NAA11: variants seen among roughly 807,000 people sequenced by gnomAD.
NAA11 encodes the protein N-alpha-acetyltransferase 11, NatA catalytic subunit.
A neutral mutation model predicts 16.1 loss-of-function variants in NAA11; 15 were observed. That is an observed-to-expected ratio of 0.93 (90% CI 0.62 to 1.44). NAA11 has a LOEUF of 1.44. NAA11 is among the 40% of genes most tolerant of loss of function. The probability of loss-of-function intolerance (pLI) is 0.00; values close to 1 mark genes in which losing one functional copy is unlikely to be tolerated. For synonymous variants in NAA11, 122 were observed against 112.4 expected, an observed-to-expected ratio of 1.09 and a Z score of -0.54; for missense variants, 298 against 291.3, an observed-to-expected ratio of 1.02 and a Z score of -0.17.
chr4:79,158,922 A>G, the NAA11 span, among the ~76,000 whole-genome samples: 1 of 151,988 alleles, frequency 6.6e-6, no homozygotes, highest in East Asian at 1.9e-4. Flanking sequence ...TGTAGAAAGA[A>G]TACAAAAGTC....
At chr4:79,245,336 G>C (rs973753939) in intron 2 of NAA11, 1 of 155,784 alleles carries the variant, frequency 6.4e-6, no homozygotes, top group Non-Finnish European at 1.4e-5. Flanking sequence ...TGGGATGTGG[G>C]GAGCGCCTCT....
At chr4:79,178,223 T>A in the NAA11 span, among the ~76,000 whole-genome samples, 2 of 152,218 alleles carry the variant, frequency 1.3e-5, no homozygotes, top group Admixed American at 1.3e-4. Flanking sequence ...GGCATGACTT[T>A]GAATCACAAA....
chr4:79,239,742 C>A (rs1411122968), intron 2 of NAA11, among the ~76,000 whole-genome samples: 2 of 152,044 alleles, frequency 1.3e-5, no homozygotes, highest in African/African-American at 4.8e-5. Flanking sequence ...ATAATGGACA[C>A]AAACTGTGAA....
downstream of NAA11, among the ~76,000 whole-genome samples, chr4:79,315,692 A>G (rs1003396914): frequency 1.1e-4 from 16 of 152,154 alleles, no homozygotes; most frequent in African/African-American, 3.9e-4. Flanking sequence ...TAAAAAAAAA[A>G]AAATCACTTT....
chr4:79,287,004 C>G lies in NAA11; in HGVS notation c.*122+7001G>C, dbSNP rs1722957098. The stretch of plus-strand genomic sequence containing the variant: ...TACAAAACCAAAGTAGCGCACTCTC[C>G]TTCACAAGGCTGTGAGGTGTCATTA... On this transcript the variant is annotated intron_variant and NMD_transcript_variant, in intron 2 of 2. Coordinates refer to the NAA11 transcript ENST00000511542. Among the ~76,000 whole-genome samples the G allele has an allele frequency of 5.3e-5, 8 of 152,206 alleles. 1 individual carries two copies. In the South Asian group the frequency reaches 1.7e-3, roughly 32 times the overall value.
chr4:79,286,876 C>G (rs1276075598), intron 2 of NAA11, among the ~76,000 whole-genome samples: 1 of 152,016 alleles, frequency 6.6e-6, no homozygotes, highest in African/African-American at 2.4e-5. Flanking sequence ...ACATTTTGCC[C>G]ATGAGTTCTT....
chr4:79,211,008 G>C, the NAA11 span, among the ~76,000 whole-genome samples: 1 of 152,184 alleles, frequency 6.6e-6, no homozygotes, highest in Non-Finnish European at 1.5e-5. Context: ...ATGGAATCCT[G>C]TCATCTTTTT....
downstream of NAA11, among the ~76,000 whole-genome samples, chr4:79,223,663 A>G (rs1345572736): frequency 1.4e-5 from 2 of 141,330 alleles, no homozygotes; most frequent in Non-Finnish European, 1.6e-5. Flanking sequence ...AAAAAAAAAG[A>G]TTTCTCTACC....
At chr4:79,297,121 G>A (rs1723243471) in intron 1 of NAA11, among the ~76,000 whole-genome samples, 1 of 152,184 alleles carries the variant, frequency 6.6e-6, no homozygotes, top group Non-Finnish European at 1.5e-5. Flanking sequence ...TCTGCATCCT[G>A]GCCATGCAGT....
At chr4:79,199,534 GAT>G in the NAA11 span, among the ~76,000 whole-genome samples, 1 of 151,802 alleles carries the variant, frequency 6.6e-6, no homozygotes, top group Non-Finnish European at 1.5e-5. Context: ...ACAAAAAACA[GAT>G]ACAATTTAGA....
chr4:79,212,806 A>AT, the NAA11 span, among the ~76,000 whole-genome samples: 3 of 151,930 alleles, frequency 2.0e-5, no homozygotes, highest in South Asian at 6.2e-4. Flanking sequence ...ATATATATAT[A>AT]AAGACAGTAT....
intron 2 of NAA11, among the ~76,000 whole-genome samples, chr4:79,233,513 A>C (rs1468324047): frequency 2.0e-5 from 3 of 152,008 alleles, no homozygotes; most frequent in Non-Finnish European, 4.4e-5. Flanking sequence ...TTAAAGGGTC[A>C]GAGAGTAAAC....
chr4:79,201,247 T>C, the NAA11 span, among the ~76,000 whole-genome samples: 1 of 151,670 alleles, frequency 6.6e-6, no homozygotes, highest in East Asian at 1.9e-4. Context: ...AATTTCCTTA[T>C]ACTAGATTCT....
chr4:79,285,922 G>GTA (rs1560448855), intron 2 of NAA11, among the ~76,000 whole-genome samples: 2 of 152,000 alleles, frequency 1.3e-5, no homozygotes, highest in Non-Finnish European at 2.9e-5. Flanking sequence ...TCCCAACAGT[G>GTA]TATTATATAA....
chr4:79,272,029 TATAG>T (rs548743574), intron 2 of NAA11, among the ~76,000 whole-genome samples: 17 of 151,662 alleles, frequency 1.1e-4, no homozygotes, highest in Non-Finnish European at 2.5e-4. Flanking sequence ...TACACACACA[TATAG>T]AGATATATAC....
At chr4:79,164,387 T>G in the NAA11 span, among the ~76,000 whole-genome samples, 1 of 152,220 alleles carries the variant, frequency 6.6e-6, no homozygotes, top group Non-Finnish European at 1.5e-5. Flanking sequence ...CTCCTGGGAT[T>G]CATGCTCCTT....
At chr4:79,238,662 G>GA (rs919768115) in intron 2 of NAA11, among the ~76,000 whole-genome samples, 10 of 152,062 alleles carry the variant, frequency 6.6e-5, no homozygotes, top group African/African-American at 2.4e-4. Context: ...GTGAGATAGG[G>GA]AAAAAGGAAC....
At chr4:79,297,303 G>C (rs1723251816) in intron 1 of NAA11, among the ~76,000 whole-genome samples, 1 of 152,174 alleles carries the variant, frequency 6.6e-6, no homozygotes, top group Non-Finnish European at 1.5e-5. Flanking sequence ...CCACCCACTG[G>C]ATGGGGAGCA....
chr4:79,307,216 A>G (rs1470728019), intron 1 of NAA11: 2 of 152,176 alleles, frequency 1.3e-5, no homozygotes, highest in South Asian at 2.1e-4. Flanking sequence ...GGGAGAATCT[A>G]TTTTCTGCTC....
Sources: allele counts gnomAD v4.1 joint callset (sites outside exome capture counted in the v4.1 genomes callset), GRCh38; gene constraint gnomAD v4.1.1; transcripts MANE v1.5; gene names NCBI Gene and HGNC (gene_info 2026-07-23, HGNC 2026-07-21).